MCC: variants seen among roughly 807,000 people sequenced by gnomAD.
MCC encodes colorectal mutant cancer protein.
MCC carries 90 observed loss-of-function variants against 116.2 expected under a neutral mutation model. The ratio of observed to expected loss-of-function variants is 0.77; its 90% CI spans 0.65 to 0.92. The LOEUF is 0.92. MCC is among the 40% of genes least tolerant of loss of function. The pLI, the probability that MCC is intolerant of heterozygous loss-of-function variation, is 0.00. For missense variants in MCC, 1,516 were observed against 1,312.2 expected (o/e 1.16, Z -2.40); for synonymous variants, 578 against 510.5 (o/e 1.13, Z -1.78).
At chr5:113,131,819 G>GTAGTT (rs1758448089) in intron 5 of MCC, among the ~76,000 whole-genome samples, 1 of 152,148 alleles carries the variant, frequency 6.6e-6, no homozygotes, top group African/African-American at 2.4e-5. Flanking sequence ...AATCTGAGAG[G>GTAGTT]TAGTTCCCAG....
chr5:113,059,180 G>T (rs1338414806), intron 14 of MCC, among the ~76,000 whole-genome samples: 1 of 151,888 alleles, frequency 6.6e-6, no homozygotes, highest in Non-Finnish European at 1.5e-5. Flanking sequence ...TCAGTCCACA[G>T]ATCTTACCCT....
In MCC at chr5:113,022,927, A is replaced by T. The variant is rs1304730111; in HGVS notation, c.*4375T>A. The stretch of plus-strand genomic sequence containing the variant: ...CCCAGATGTAATGTGATAAACAAAC[A>T]GTTTACCCAGTGTAACCTTTAAGCA... On this transcript the variant is annotated 3_prime_UTR_variant, in exon 19 of 19. Coordinates refer to ENST00000408903, the MANE Select transcript of MCC (RefSeq NM_001085377.2). The T allele has an allele frequency of 6.6e-6, 1 of 152,076 alleles. No individual in the cohort carries two copies. The highest frequency in any genetic ancestry group is 1.5e-5 in the Non-Finnish European group (1 of 67,998). The allele number at this position is 152,076 out of a possible 1,614,324, so 9.4% of individuals were successfully genotyped here.
At chr5:113,097,183 A>T (rs1756076290) in intron 8 of MCC, among the ~76,000 whole-genome samples, 1 of 152,250 alleles carries the variant, frequency 6.6e-6, no homozygotes, top group Non-Finnish European at 1.5e-5. Context: ...GATACAGATC[A>T]TTCTCCATAA....
chr5:113,196,940 CA>C (rs1684062932), intron 3 of MCC, among the ~76,000 whole-genome samples: 1 of 152,140 alleles, frequency 6.6e-6, no homozygotes, highest in African/African-American at 2.4e-5. Flanking sequence ...GTCTTTGGAA[CA>C]ATTAATTAAG....
intron 1 of MCC, among the ~76,000 whole-genome samples, chr5:113,429,227 G>A (rs1770561199): frequency 6.6e-6 from 1 of 152,028 alleles, no homozygotes; most frequent in East Asian, 1.9e-4. Flanking sequence ...GGGTCGTAAA[G>A]GTGGGGTCCT....
chr5:113,286,187 T>A (rs1444704546), intron 3 of MCC, among the ~76,000 whole-genome samples: 1 of 152,142 alleles, frequency 6.6e-6, no homozygotes, highest in Non-Finnish European at 1.5e-5. Context: ...AAGGAACAAC[T>A]AACCTGGAGA....
intron 3 of MCC, among the ~76,000 whole-genome samples, chr5:113,196,101 T>C (rs1017086045): frequency 6.6e-6 from 1 of 152,238 alleles, no homozygotes; most frequent in Non-Finnish European, 1.5e-5. Flanking sequence ...TGGCACATAG[T>C]GTCTTTCACT....
intron 3 of MCC, among the ~76,000 whole-genome samples, chr5:113,317,977 A>G (rs1281282816): frequency 6.6e-6 from 1 of 152,244 alleles, no homozygotes; most frequent in African/African-American, 2.4e-5. Flanking sequence ...AGGGAGACCT[A>G]AATGCTTTAT....
chr5:113,121,129 T>G (rs1445977121), intron 6 of MCC, among the ~76,000 whole-genome samples: 1 of 152,240 alleles, frequency 6.6e-6, no homozygotes, highest in African/African-American at 2.4e-5. Context: ...TACATCTTTA[T>G]TAAATCTCAG....
At chr5:113,468,892 C>G (rs1384182925) in intron 1 of MCC, among the ~76,000 whole-genome samples, 1 of 152,144 alleles carries the variant, frequency 6.6e-6, no homozygotes, top group East Asian at 1.9e-4. Flanking sequence ...GATTCAACTT[C>G]TTCCTGGTTT....
chr5:113,336,836 T>C (rs539580824), intron 3 of MCC, among the ~76,000 whole-genome samples: 15 of 152,352 alleles, frequency 9.8e-5, no homozygotes, highest in Non-Finnish European at 1.9e-4. Flanking sequence ...CCTCATGGTA[T>C]CCACTGTCTT....
At chr5:113,129,522 T>G (rs1028335631) in intron 5 of MCC, among the ~76,000 whole-genome samples, 2 of 152,202 alleles carry the variant, frequency 1.3e-5, no homozygotes, top group African/African-American at 4.8e-5. Context: ...GCATGGCTGC[T>G]TTCTGGTGAG....
intron 3 of MCC, among the ~76,000 whole-genome samples, chr5:113,259,340 C>G (rs983483659): frequency 2.0e-5 from 3 of 152,056 alleles, no homozygotes; most frequent in Admixed American, 6.5e-5. Context: ...TTGCCAAATA[C>G]CAATTATTAT....
intron 3 of MCC, among the ~76,000 whole-genome samples, chr5:113,236,160 A>G (rs1324781170): frequency 6.6e-6 from 1 of 152,244 alleles, no homozygotes; most frequent in Non-Finnish European, 1.5e-5. Flanking sequence ...TCCCATGACA[A>G]TATGAGATGG....
chr5:113,232,815 G>C (rs551582040), intron 3 of MCC, among the ~76,000 whole-genome samples: 3 of 152,202 alleles, frequency 2.0e-5, no homozygotes, highest in East Asian at 1.9e-4. Context: ...AGGAGGCTTG[G>C]AGCCAGATGG....
intron 14 of MCC, among the ~76,000 whole-genome samples, chr5:113,056,602 C>T (rs750494674): frequency 1.3e-5 from 2 of 151,888 alleles, no homozygotes; most frequent in South Asian, 2.1e-4. Flanking sequence ...GGGAGAGGAT[C>T]GGAAAAAATG....
intron 3 of MCC, chr5:113,203,150 C>T (rs1762757035): frequency 6.6e-6 from 1 of 152,216 alleles, no homozygotes; most frequent in South Asian, 2.1e-4. Context: ...TCCCTCTTGC[C>T]CCACCGGGAA....
chr5:113,444,421 TC>T (rs768742181), intron 1 of MCC, among the ~76,000 whole-genome samples: 2 of 152,222 alleles, frequency 1.3e-5, no homozygotes, highest in Non-Finnish European at 2.9e-5. Context: ...TCCTTAGATG[TC>T]CTTCAAGTTA....
At chr5:113,338,773 G>A (rs1349036518) in intron 3 of MCC, among the ~76,000 whole-genome samples, 1 of 152,134 alleles carries the variant, frequency 6.6e-6, no homozygotes, top group East Asian at 1.9e-4. Flanking sequence ...ACTGATAATC[G>A]CCTAATCTCC....
Sources: gnomAD v4.1 joint callset for allele counts (sites outside exome capture counted in the v4.1 genomes callset) on GRCh38, gnomAD v4.1.1 for gene constraint, MANE v1.5 for transcripts, NCBI Gene and HGNC (gene_info 2026-07-23, HGNC 2026-07-21) for gene names.